Variants in FGF14 observed in about 807,000 individuals in gnomAD.
The protein encoded by FGF14 is fibroblast growth factor homologous factor 4.
A neutral mutation model predicts 25.5 loss-of-function variants in FGF14; 5 were observed. That is an observed-to-expected ratio of 0.20 (90% confidence interval 0.10 to 0.41). FGF14 has a LOEUF of 0.41. FGF14 is among the 10% of genes least tolerant of loss of function. FGF14 has a pLI of 1.00. For missense variants in FGF14, 222 were observed against 320.1 expected (o/e 0.69, Z 2.34); for synonymous variants, 138 against 118.3 (o/e 1.17, Z -1.08).
chr13:101,846,260 A>G, intron 3 of FGF14, among the ~76,000 whole-genome samples: 1 of 151,962 alleles, frequency 6.6e-6, no homozygotes, highest in Non-Finnish European at 1.5e-5. Context: ...CTATGGGCAT[A>G]TCACTTTGTT....
At chr13:101,920,497 A>C (rs1218064859), upstream of FGF14, among the ~76,000 whole-genome samples, 2 of 152,192 alleles carry the variant, frequency 1.3e-5, no homozygotes, top group Non-Finnish European at 2.9e-5. Flanking sequence ...TGTGAGATTA[A>C]ATTTAGTAAA....
intron 1 of FGF14, among the ~76,000 whole-genome samples, chr13:102,098,474 T>A (rs1182868417): frequency 6.6e-6 from 1 of 152,240 alleles, no homozygotes; most frequent in East Asian, 1.9e-4. Flanking sequence ...TGTGACAGTT[T>A]AAGGAAGATG....
intron 1 of FGF14, among the ~76,000 whole-genome samples, chr13:101,951,678 A>G (rs1261953522): frequency 6.6e-6 from 1 of 152,190 alleles, no homozygotes; most frequent in African/African-American, 2.4e-5. Flanking sequence ...AGATTCACCA[A>G]TTTAGAATCT....
intron 1 of FGF14, among the ~76,000 whole-genome samples, chr13:102,005,994 CT>C (rs2039763424): frequency 6.6e-6 from 1 of 152,198 alleles, no homozygotes; most frequent in Non-Finnish European, 1.5e-5. Flanking sequence ...TCTTACTTAT[CT>C]GTAAAGTGTA....
At chr13:101,723,710 T>G (rs978997644) in intron 4 of FGF14, among the ~76,000 whole-genome samples, 1 of 152,032 alleles carries the variant, frequency 6.6e-6, no homozygotes, top group Admixed American at 6.6e-5. Context: ...GAATAAACTC[T>G]GAGGATTTAT....
At chr13:101,797,248 G>A (rs1166243628) in intron 3 of FGF14, among the ~76,000 whole-genome samples, 1 of 152,054 alleles carries the variant, frequency 6.6e-6, no homozygotes, top group Non-Finnish European at 1.5e-5. Flanking sequence ...TTCCTTCTAG[G>A]TAGCAGGATG....
intron 1 of FGF14, among the ~76,000 whole-genome samples, chr13:102,333,770 G>GA (rs2056705813): frequency 6.6e-6 from 1 of 152,044 alleles, no homozygotes; most frequent in Admixed American, 6.6e-5. Flanking sequence ...CCAGGACAAA[G>GA]AAAAAAGAGG....
intron 1 of FGF14, among the ~76,000 whole-genome samples, chr13:102,312,124 T>G (rs2055799732): frequency 6.6e-6 from 1 of 152,084 alleles, no homozygotes; most frequent in Admixed American, 6.6e-5. Context: ...TCCATTCTCT[T>G]TAAGGTTGTC....
At chr13:102,385,181 C>G (rs904628153) in intron 1 of FGF14, among the ~76,000 whole-genome samples, 6 of 152,318 alleles carry the variant, frequency 3.9e-5, no homozygotes, top group Non-Finnish European at 4.4e-5. Context: ...TAAAGACTTA[C>G]TGACTACATA....
intron 1 of FGF14, among the ~76,000 whole-genome samples, chr13:101,955,630 T>C (rs961591571): frequency 7.9e-5 from 12 of 152,250 alleles, no homozygotes; most frequent in African/African-American, 2.9e-4. Context: ...GCAAGTCTCC[T>C]GAGGGGAAGG....
intron 1 of FGF14, among the ~76,000 whole-genome samples, chr13:101,909,303 C>T (rs1191379824): frequency 1.3e-5 from 2 of 152,104 alleles, no homozygotes; most frequent in Admixed American, 1.3e-4. Context: ...AGTGAACAGG[C>T]AACCTACAGA....
chr13:102,142,530 GTTA>G (rs546676498), intron 1 of FGF14, among the ~76,000 whole-genome samples: 95 of 152,218 alleles, frequency 6.2e-4, no homozygotes, highest in Non-Finnish European at 3.7e-4. Flanking sequence ...TGTTTTCAGG[GTTA>G]TTATTATTTT....
In FGF14 at chr13:102,099,286, G is replaced by A. The variant is rs183183386; in HGVS notation, c.209-223990C>T. Reference sequence around the variant, plus strand: ...CAAGGGCCAAAATTAGTGGAAAGAGGACAGAAATAACAGAGTGCTTGCAAA... The same window carrying A: ...CAAGGGCCAAAATTAGTGGAAAGAGAACAGAAATAACAGAGTGCTTGCAAA... On this transcript the variant is annotated intron_variant, in intron 1 of 4. Coordinates refer to the FGF14 transcript ENST00000376131. 9.2e-5 allele frequency among the ~76,000 whole-genome samples: 14 copies of A among 152,284 alleles called. No homozygotes were observed. In the East Asian group the frequency reaches 2.3e-3, roughly 25 times the overall value.
At chr13:101,943,214 C>T (rs1202152680) in intron 1 of FGF14, among the ~76,000 whole-genome samples, 1 of 152,180 alleles carries the variant, frequency 6.6e-6, no homozygotes, top group East Asian at 1.9e-4. Flanking sequence ...CTACTAGGTT[C>T]ACTCTTCCGG....
At chr13:102,371,289 A>G (rs570666775) in intron 1 of FGF14, among the ~76,000 whole-genome samples, 3 of 152,328 alleles carry the variant, frequency 2.0e-5, no homozygotes, top group Admixed American at 6.5e-5. Flanking sequence ...TGTTTCCAGG[A>G]TGCCCCTCCC....
At chr13:101,811,140 A>G (rs930510239) in intron 3 of FGF14, among the ~76,000 whole-genome samples, 2 of 150,334 alleles carry the variant, frequency 1.3e-5, no homozygotes, top group African/African-American at 4.9e-5. Context: ...TATCCCTTAC[A>G]TTAGGGTTCA....
chr13:101,904,013 G>A (rs958457023), intron 1 of FGF14, among the ~76,000 whole-genome samples: 4 of 152,186 alleles, frequency 2.6e-5, no homozygotes, highest in African/African-American at 9.6e-5. Context: ...CTCTGGCAAA[G>A]GAATACACTA....
At chr13:101,797,589 G>A (rs1024387963) in intron 3 of FGF14, among the ~76,000 whole-genome samples, 5 of 152,072 alleles carry the variant, frequency 3.3e-5, no homozygotes, top group Non-Finnish European at 7.4e-5. Context: ...GGCTGACCAA[G>A]CTTTGATTTC....
At chr13:101,974,376 G>C (rs2037797020) in intron 1 of FGF14, among the ~76,000 whole-genome samples, 2 of 152,024 alleles carry the variant, frequency 1.3e-5, no homozygotes, top group Non-Finnish European at 1.5e-5. Flanking sequence ...GGACTCCCCA[G>C]GACCATAACT....
Sources: gnomAD v4.1 joint callset for allele counts (sites outside exome capture counted in the v4.1 genomes callset) on GRCh38, gnomAD v4.1.1 for gene constraint, MANE v1.5 for transcripts, NCBI Gene and HGNC (gene_info 2026-07-23, HGNC 2026-07-21) for gene names.